The following ANO2 variants were observed in gnomAD, a reference collection of about 807,000 sequenced individuals.
ANO2 encodes anoctamin 2, also known as anoctamin-2.
ANO2 carries 101 observed loss-of-function variants against 124.2 expected under a neutral mutation model. The ratio of observed to expected loss-of-function variants is 0.81; its 90% CI spans 0.69 to 0.96. ANO2 has a LOEUF of 0.96. ANO2 is among the 40% of genes least tolerant of loss of function. The pLI is 0.00. For synonymous variants in ANO2, 486 were observed against 482.5 expected (o/e 1.01, Z -0.09); for missense variants, 1,293 against 1,274.5 (o/e 1.01, Z -0.22).
At chr12:5,688,648 T>G (rs996699824) in intron 14 of ANO2, among the ~76,000 whole-genome samples, 2 of 152,138 alleles carry the variant, frequency 1.3e-5, no homozygotes, top group Non-Finnish European at 2.9e-5. Flanking sequence ...CTAGAAACAA[T>G]GGCACACAGT....
intron 14 of ANO2, among the ~76,000 whole-genome samples, chr12:5,728,044 G>A (rs1950510870): frequency 6.6e-6 from 1 of 152,104 alleles, no homozygotes; most frequent in Admixed American, 6.5e-5. Flanking sequence ...TTGACCTCAT[G>A]ATCCGCCCAC....
intron 3 of ANO2, chr12:5,856,306 T>C (rs1955095054): frequency 6.6e-6 from 1 of 152,232 alleles, no homozygotes. Context: ...TAACTTTCTT[T>C]AGGGTCGTTG....
intron 14 of ANO2, among the ~76,000 whole-genome samples, chr12:5,708,738 T>A (rs34033955): frequency 6.6e-6 from 1 of 152,180 alleles, no homozygotes; most frequent in Non-Finnish European, 1.5e-5. Flanking sequence ...GGCCCAGCAC[T>A]TGGTAAGACA....
In ANO2 at chr12:5,819,811, A is replaced by G. The variant is rs529234094; in HGVS notation, c.892+7958T>C. Among the ~76,000 whole-genome samples the G allele has an allele frequency of 3.3e-5, 5 of 151,670 alleles. No individual in the cohort carries two copies. The East Asian group carries it at 9.7e-4, about 30-fold the overall frequency. On this transcript the variant is annotated intron_variant, in intron 7 of 24. Coordinates refer to ENST00000682330, the MANE Select transcript of ANO2 (RefSeq NM_001364791.2). Reference sequence around the variant, plus strand: ...AGTCACTCAACTATAAAATTTAAATACAATGGGAATAATTGGATCCTGAAG... The same window carrying G: ...AGTCACTCAACTATAAAATTTAAATGCAATGGGAATAATTGGATCCTGAAG...
chr12:5,889,934 G>C (rs1939272005), intron 3 of ANO2, among the ~76,000 whole-genome samples: 1 of 152,222 alleles, frequency 6.6e-6, no homozygotes. Context: ...AGTCCAGAAA[G>C]GAAAGACAAT....
At chr12:5,899,733 A>C (rs1181311939) in intron 3 of ANO2, among the ~76,000 whole-genome samples, 1 of 152,210 alleles carries the variant, frequency 6.6e-6, no homozygotes, top group Admixed American at 6.5e-5. Flanking sequence ...TCTTAGAACC[A>C]TGTCATCTGC....
chr12:5,655,447 C>T (rs1439729764), intron 14 of ANO2, among the ~76,000 whole-genome samples: 1 of 152,140 alleles, frequency 6.6e-6, no homozygotes, highest in African/African-American at 2.4e-5. Context: ...TGGAATGGGG[C>T]CTGAGAATTT....
At chr12:5,938,536 A>C (rs1253048707) in intron 1 of ANO2, among the ~76,000 whole-genome samples, 4 of 152,206 alleles carry the variant, frequency 2.6e-5, no homozygotes, top group Admixed American at 2.6e-4. Flanking sequence ...AAGATAAGCT[A>C]AGGGCCAGGC....
intron 9 of ANO2, among the ~76,000 whole-genome samples, chr12:5,800,947 T>G (rs1953019225): frequency 6.6e-6 from 1 of 151,826 alleles, no homozygotes; most frequent in Non-Finnish European, 1.5e-5. Flanking sequence ...CATTTAGAGG[T>G]CAAGAGGGTG....
At position 5,767,912 on chromosome 12, in the gene ANO2, C is replaced by T. The variant is rs747684458; in HGVS notation, c.1056-16942G>A. Among the ~76,000 whole-genome samples the T allele has an allele frequency of 2.0e-4, 31 of 152,234 alleles. No homozygotes were observed. In the Middle Eastern group the frequency reaches 0.017, roughly 84 times the overall value. On this transcript the variant is annotated intron_variant, in intron 10 of 24. Transcript: ENST00000682330. ...TGAAGCTGAGCTGGGGTGTCCCTTC[C>T]TTGTTCCACCCCAGCCCCTTCCAGT...
At chr12:5,853,676 C>T (rs908150777) in intron 4 of ANO2, among the ~76,000 whole-genome samples, 5 of 152,192 alleles carry the variant, frequency 3.3e-5, no homozygotes, top group African/African-American at 1.2e-4. Flanking sequence ...ACACAGTCAG[C>T]GTGGCTTGCA....
chr12:5,837,792 A>C (rs1954377934), intron 4 of ANO2, among the ~76,000 whole-genome samples: 1 of 151,832 alleles, frequency 6.6e-6, no homozygotes, highest in African/African-American at 2.4e-5. Flanking sequence ...CTAACATCAC[A>C]ATTAAAAGAA....
chr12:5,851,201 T>A (rs184374996), intron 4 of ANO2, among the ~76,000 whole-genome samples: 1 of 152,344 alleles, frequency 6.6e-6, no homozygotes, highest in African/African-American at 2.4e-5. Flanking sequence ...AAACTACAGA[T>A]GTAAGTTCCA....
upstream of ANO2, chr12:5,946,117 G>A: frequency 1.2e-6 from 2 of 1,610,884 alleles, no homozygotes; most frequent in African/African-American, 1.3e-5. This position sits in a 1 kb window ranked among gnomAD's most constrained non-coding sequence, Gnocchi z 4.1. Context: ...GAAGTACTAT[G>A]TTAAGGTCAA....
chr12:5,651,650 A>G (rs1565523713), intron 14 of ANO2, among the ~76,000 whole-genome samples: 1 of 152,180 alleles, frequency 6.6e-6, no homozygotes, highest in Non-Finnish European at 1.5e-5. Context: ...TTACTTCTGT[A>G]AGTTTTGATA....
chr12:5,796,384 A>C (rs1367852475), intron 10 of ANO2, among the ~76,000 whole-genome samples: 1 of 150,888 alleles, frequency 6.6e-6, no homozygotes, highest in African/African-American at 2.5e-5. Context: ...ACTCTCCCAA[A>C]CACACATATT....
chr12:5,691,350 AG>A (rs1466771531), intron 14 of ANO2, among the ~76,000 whole-genome samples: 11 of 135,680 alleles, frequency 8.1e-5, no homozygotes, highest in South Asian at 2.3e-4. Flanking sequence ...AAAAAAAAGA[AG>A]AAGAAGAAGA....
intron 3 of ANO2, among the ~76,000 whole-genome samples, chr12:5,886,051 G>A (rs115799097): frequency 1.2e-3 from 180 of 152,284 alleles, no homozygotes; most frequent in African/African-American, 4.1e-3. Flanking sequence ...CTGGGACTCC[G>A]GAACTGTGTT....
intron 4 of ANO2, among the ~76,000 whole-genome samples, chr12:5,851,124 G>A (rs971852128): frequency 9.2e-5 from 14 of 152,224 alleles, no homozygotes; most frequent in South Asian, 2.1e-4. Context: ...ACCCAGAGAT[G>A]GCTGCTTTAT....
Sources: allele counts gnomAD v4.1 joint callset (sites outside exome capture counted in the v4.1 genomes callset), GRCh38; gene constraint gnomAD v4.1.1; non-coding constraint Gnocchi (gnomAD v3.1); transcripts MANE v1.5; gene names NCBI Gene and HGNC (gene_info 2026-07-23, HGNC 2026-07-21).